ASXL1: variants seen among roughly 807,000 people sequenced by gnomAD.
ASXL1 encodes ASXL transcriptional regulator 1, also known as polycomb group protein ASXL1.
Under a neutral mutation model 89.1 loss-of-function variants are expected in ASXL1, and 65 were observed. The observed-to-expected ratio is 0.73, with a 90% CI of 0.60 to 0.90. The LOEUF (loss-of-function observed/expected upper bound fraction) is 0.90, where lower values mean the gene tolerates loss of function less well. Ranked by LOEUF, ASXL1 falls within the 40% of genes least tolerant of loss-of-function variation. ASXL1 has a pLI of 0.00. For synonymous variants in ASXL1, 739 were observed against 746.9 expected, an observed-to-expected ratio of 0.99 and a Z score of 0.17; for missense variants, 1,786 against 1,942.9, an observed-to-expected ratio of 0.92 and a Z score of 1.52.
intron 4 of ASXL1, chr20:32,372,533 A>G: frequency 2.3e-6 from 1 of 427,804 alleles, no homozygotes; most frequent in Non-Finnish European, 3.3e-6. Flanking sequence ...GCCTTCAATA[A>G]ATATATATTT....
Position 32,428,404 on chromosome 20 carries a change from C to A in ASXL1, c.453C>A (p.Ser151Arg), listed in dbSNP as rs750955319. 10 of 1,613,478 alleles carry A rather than the reference C, an allele frequency of 6.2e-6. No individual in the cohort carries two copies. The highest frequency in any genetic ancestry group is 1.7e-4 in the Middle Eastern group (1 of 6,026). The change falls in exon 6 of 13, where the codon AGC (serine) becomes AGA (arginine). Residue 151 changes from serine to arginine, a missense_variant. Coordinates refer to ENST00000375687, the MANE Select transcript of ASXL1 (RefSeq NM_015338.6). The stretch of plus-strand genomic sequence containing the variant: ...GACCTCTTTCCAATCCCAGGGACAG[C>A]TACAGAGCTTCCTCACAGGTAAGGA... ...QSRPLSNPRDSYRASSQANKQ... is the reference protein window; with the variant it reads ...QSRPLSNPRDRYRASSQANKQ...
In ASXL1 at chr20:32,429,983, T is replaced by C. The variant is rs2123224200; in HGVS notation, c.648T>C (p.Ala216=). 6.2e-7 allele frequency: 1 copy of C among 1,609,090 alleles called. No individual in the cohort carries two copies. Among genetic ancestry groups the C allele is most frequent in the Non-Finnish European group, 8.5e-7 (1 of 1,179,906 alleles). ...SSGSLALGSA[A]IRGQAEVTQD... Reference sequence around the variant, plus strand: ...GCTCTCTGGCCCTGGGCAGCGCTGCTATTCGTGGCCAGGCCGAGGTCACCC... The same window carrying C: ...GCTCTCTGGCCCTGGGCAGCGCTGCCATTCGTGGCCAGGCCGAGGTCACCC... The change falls in exon 8 of 13, where the codon GCT becomes GCC. Residue 216 remains alanine (A), a synonymous_variant. Coordinates refer to ENST00000375687, the MANE Select transcript of ASXL1 (RefSeq NM_015338.6). The surrounding 1 kb of genome is among the most constrained non-coding windows in gnomAD (Gnocchi z 4.9).
intron 8 of ASXL1, chr20:32,430,692 G>A (rs2123230530): frequency 8.5e-6 from 2 of 236,324 alleles, no homozygotes; most frequent in South Asian, 2.9e-4. Flanking sequence ...GAGAATTAGA[G>A]TAAACCTTTG....
intron 4 of ASXL1, among the ~76,000 whole-genome samples, chr20:32,382,600 C>T (rs1378688437): frequency 1.5e-5 from 2 of 129,818 alleles, no homozygotes; most frequent in African/African-American, 5.6e-5. Flanking sequence ...ATGGAGACCT[C>T]GTCTCTACAA....
Position 32,438,569 on chromosome 20 carries a change from G to A in ASXL1, c.*1231G>A, listed in dbSNP as rs575606258. 84 of 233,622 alleles carry A rather than the reference G, an allele frequency of 3.6e-4. No homozygotes were observed. Among genetic ancestry groups the A allele is most frequent in the Admixed American group, 1.9e-3 (33 of 17,796 alleles). The allele number at this position is 233,622 out of a possible 1,614,324, so 14.5% of individuals were successfully genotyped here. On this transcript the variant is annotated 3_prime_UTR_variant, in exon 13 of 13. Coordinates refer to ENST00000375687, the MANE Select transcript of ASXL1 (RefSeq NM_015338.6). ...ACAGTCAGCCTGCCCACATGCCACC[G>A]AGCAAACGCATCTTGCTTTTCACAT... is the stretch of plus-strand genomic sequence containing the variant.
chr20:32,367,430 G>A (rs2048224450), intron 2 of ASXL1, among the ~76,000 whole-genome samples: 1 of 151,716 alleles, frequency 6.6e-6, no homozygotes, highest in Admixed American at 6.6e-5. Flanking sequence ...TGAGGAAAGA[G>A]GAGAGCACTA....
intron 4 of ASXL1, among the ~76,000 whole-genome samples, chr20:32,397,096 G>GT (rs1041560871): frequency 6.8e-6 from 1 of 147,592 alleles, no homozygotes; most frequent in Non-Finnish European, 1.5e-5. Context: ...TCAGGCTGGA[G>GT]TGCAGTAGTG....
chr20:32,414,606 T>G (rs1464169707), intron 4 of ASXL1, among the ~76,000 whole-genome samples: 1 of 152,162 alleles, frequency 6.6e-6, no homozygotes, highest in Non-Finnish European at 1.5e-5. Flanking sequence ...CTATGAAATT[T>G]TATTTATCTT....
chr20:32,376,525 C>T lies in ASXL1; in HGVS notation c.252+7402C>T, dbSNP rs149323705. Among the ~76,000 whole-genome samples the T allele has an allele frequency of 0.011, 1,602 of 151,986 alleles. 18 individuals are homozygous for T. The Middle Eastern group carries it at 0.11, about 11-fold the overall frequency. On this transcript the variant is annotated intron_variant, in intron 4 of 12. Coordinates refer to ENST00000375687, the MANE Select transcript of ASXL1 (RefSeq NM_015338.6). Reference sequence around the variant, plus strand: ...TCCTTACCTCAGGTGATCCACCCACCGCAGCCCCCCAAAGTGTTGGGATTA... The same window carrying T: ...TCCTTACCTCAGGTGATCCACCCACTGCAGCCCCCCAAAGTGTTGGGATTA...
chr20:32,412,144 T>A (rs2123113007), intron 4 of ASXL1, among the ~76,000 whole-genome samples: 1 of 152,336 alleles, frequency 6.6e-6, no homozygotes, highest in East Asian at 1.9e-4. Flanking sequence ...TTTGTCTGTC[T>A]ATAGGTAAAT....
intron 4 of ASXL1, chr20:32,372,107 G>T: frequency 7.5e-7 from 1 of 1,341,056 alleles, no homozygotes. Context: ...AGAATTCTTG[G>T]CATAGTACGT....
chr20:32,368,613 G>C (rs2048243753), intron 3 of ASXL1, among the ~76,000 whole-genome samples: 1 of 152,138 alleles, frequency 6.6e-6, no homozygotes, highest in Admixed American at 6.5e-5. Flanking sequence ...TTCTGTGGCA[G>C]TTTCTGAGTA....
chr20:32,421,866 C>CTTTT (rs71299232), intron 4 of ASXL1, among the ~76,000 whole-genome samples: 14 of 105,262 alleles, frequency 1.3e-4, no homozygotes, highest in South Asian at 6.8e-4. Flanking sequence ...GGTTTCTTTT[C>CTTTT]TTTTTTTTTT....
intron 4 of ASXL1, among the ~76,000 whole-genome samples, chr20:32,424,614 T>C (rs1214129943): frequency 6.6e-6 from 1 of 152,200 alleles, no homozygotes; most frequent in Non-Finnish European, 1.5e-5. Flanking sequence ...CATTTTTCTA[T>C]GCAAACACAT....
intron 4 of ASXL1, among the ~76,000 whole-genome samples, chr20:32,418,973 C>T (rs1471553327): frequency 6.6e-6 from 1 of 151,656 alleles, no homozygotes. Flanking sequence ...GCTAGGATTA[C>T]AGGTGCACGC....
At chr20:32,372,343 T>C (rs1399842112) in intron 4 of ASXL1, 2 of 1,173,086 alleles carry the variant, frequency 1.7e-6, no homozygotes, top group East Asian at 4.2e-5. Context: ...TTATGTTGCT[T>C]ATCCTTCATA....
Position 32,430,017 on chromosome 20 carries a change from GCCCCGCTCCTGA to G in ASXL1, c.683_694del (p.Ala228_Arg232delinsGly). ...CCAGGCCGAGGTCACCCAGGACCCTGCCCCGCTCCTGAGAGGCTTCCGGAAGCCAGCCACAGG... is the reference window on the plus strand; with the variant it reads ...CCAGGCCGAGGTCACCCAGGACCCTGGAGGCTTCCGGAAGCCAGCCACAGG... On this transcript the variant is annotated inframe_deletion, in exon 8 of 13. Transcript: ENST00000375687. 6.2e-7 allele frequency: 1 copy of G among 1,607,522 alleles called. No homozygotes were observed. Among genetic ancestry groups the G allele is most frequent in the Non-Finnish European group, 8.5e-7 (1 of 1,179,960 alleles).
At chr20:32,403,408 T>C (rs2048907340) in intron 4 of ASXL1, among the ~76,000 whole-genome samples, 1 of 151,844 alleles carries the variant, frequency 6.6e-6, no homozygotes. Context: ...TACATGGAAA[T>C]TTTATTTATT....
At chr20:32,400,571 G>T (rs1017300208) in intron 4 of ASXL1, among the ~76,000 whole-genome samples, 3 of 152,006 alleles carry the variant, frequency 2.0e-5, no homozygotes, top group Admixed American at 6.6e-5. Flanking sequence ...AATTCTTTTG[G>T]GTGTTGTTTT....
Sources: allele counts gnomAD v4.1 joint callset (sites outside exome capture counted in the v4.1 genomes callset), GRCh38; gene constraint gnomAD v4.1.1; non-coding constraint Gnocchi (gnomAD v3.1); transcripts MANE v1.5; gene names NCBI Gene and HGNC (gene_info 2026-07-23, HGNC 2026-07-21).